LMNA: variants seen among roughly 807,000 people sequenced by gnomAD.
LMNA encodes the protein lamin A/C.
LMNA carries 20 observed loss-of-function variants against 70.4 expected under a neutral mutation model. The observed-to-expected ratio is 0.28, with a 90% CI of 0.20 to 0.41. LMNA has a LOEUF of 0.41. Ranked by LOEUF, LMNA falls within the 10% of genes least tolerant of loss-of-function variation. The pLI is 1.00. For missense variants in LMNA, 652 were observed against 917.2 expected (o/e 0.71, Z 3.73); for synonymous variants, 339 against 372.8 (o/e 0.91, Z 1.04).
In LMNA at chr1:156,137,228, G is replaced by A. The variant is rs747717293; in HGVS notation, c.1604G>A (p.Gly535Glu). Residue 535 changes from glycine to glutamate, a missense_variant, in exon 9 of 12, where the codon GGG becomes GAG. By Grantham distance (98) the Gly-to-Glu change is moderately conservative. Coordinates refer to ENST00000368300, the MANE Select transcript of LMNA (RefSeq NM_170707.4). The surrounding 1 kb of genome is among the most constrained non-coding windows in gnomAD (Gnocchi z 4.6). ...SLRTALINST[G>E]EEVAMRKLVR... ...CGTACGGCTCTCATCAACTCCACTG[G>A]GGAAGTAAGTAGGCCTGGGCCTGGC... 6 of 1,581,376 alleles carry A rather than the reference G, an allele frequency of 3.8e-6. No individual in the cohort carries two copies. The African/African-American group carries it at 5.4e-5, about 14-fold the overall frequency.
Position 156,135,838 on chromosome 1 carries a change from C to G in LMNA, c.937-63C>G. 7.0e-7 allele frequency: 1 copy of G among 1,429,068 alleles called. No individual in the cohort carries two copies. The highest frequency in any genetic ancestry group is 2.3e-5 in the East Asian group (1 of 43,172). 88.5% of individuals were successfully genotyped at this position (1,429,068 alleles called of 1,614,324 possible). ...GCCAGGTGTCTCCTACACCGACCCACGTCCCTCCTTCCCCATACTTAGGGC... is the reference window on the plus strand; with the variant it reads ...GCCAGGTGTCTCCTACACCGACCCAGGTCCCTCCTTCCCCATACTTAGGGC... On this transcript the variant is annotated intron_variant, in intron 5 of 11. Coordinates refer to ENST00000368300, the MANE Select transcript of LMNA (RefSeq NM_170707.4). The surrounding 1 kb of genome is among the most constrained non-coding windows in gnomAD (Gnocchi z 4.8).
chr1:156,099,740 G>T (rs1444561601), intron 3 of LMNA, among the ~76,000 whole-genome samples: 2 of 151,792 alleles, frequency 1.3e-5, no homozygotes, highest in African/African-American at 4.8e-5. Context: ...ACAAAAATTA[G>T]CTGGGCGTGC....
chr1:156,127,649 G>A (rs921813449), intron 1 of LMNA, among the ~76,000 whole-genome samples: 38 of 148,710 alleles, frequency 2.6e-4, no homozygotes, highest in African/African-American at 9.2e-4. Context: ...CTCCTCAGTA[G>A]CTGGGACTAC....
chr1:156,128,605 G>T (rs1249706788), intron 1 of LMNA, among the ~76,000 whole-genome samples: 1 of 152,188 alleles, frequency 6.6e-6, no homozygotes, highest in Non-Finnish European at 1.5e-5. Context: ...GGAACTTGTG[G>T]CTTAGGAAAG....
intron 3 of LMNA, among the ~76,000 whole-genome samples, chr1:156,098,647 T>C (rs1649031448): frequency 6.6e-6 from 1 of 152,130 alleles, no homozygotes; most frequent in Non-Finnish European, 1.5e-5. Flanking sequence ...CAGTGGTAAC[T>C]CAGGATACCC....
At chr1:156,129,967 C>T (rs1650902868) in intron 1 of LMNA, 2 of 721,786 alleles carry the variant, frequency 2.8e-6, no homozygotes, top group Non-Finnish European at 5.1e-6. Context: ...GGCAGGGACC[C>T]CTCTGTTCAG....
chr1:156,126,139 C>T, intron 1 of LMNA: 1 of 1,503,994 alleles, frequency 6.6e-7, no homozygotes, highest in South Asian at 1.2e-5. Context: ...TCCTGGGAGA[C>T]AGGAAATGCC....
rs1022103840 is a variant in LMNA, at chr1:156,138,258, G to A, written c.1699-230G>A. On this transcript the variant is annotated intron_variant, in intron 10 of 11. Coordinates refer to ENST00000368300, the MANE Select transcript of LMNA (RefSeq NM_170707.4). This position sits in a 1 kb window ranked among gnomAD's most constrained non-coding sequence, Gnocchi z 5.5. ...TAGCTAGAACAGAGTCAGAGTCACT[G>A]CTCTGGTTCTCTGTCCCCAAGTCTT... 3.3e-6 allele frequency: 2 copies of A among 599,248 alleles called. No homozygotes were observed. Among genetic ancestry groups the A allele is most frequent in the Non-Finnish European group, 5.9e-6 (2 of 337,150 alleles). 37.1% of individuals were successfully genotyped at this position (599,248 alleles called of 1,614,324 possible). A position where few individuals can be genotyped will look rare whatever the true frequency, so the allele number is the denominator to read the frequency against.
intron 1 of LMNA, among the ~76,000 whole-genome samples, chr1:156,117,969 A>ATTTTTTTTTT (rs1186679791): frequency 2.4e-3 from 219 of 91,766 alleles, no homozygotes; most frequent in East Asian, 6.0e-3. Flanking sequence ...CGCTTGGCTA[A>ATTTTTTTTTT]TTTTTTTTTT....
chr1:156,121,840 A>C (rs569174108), intron 1 of LMNA, among the ~76,000 whole-genome samples: 6 of 152,256 alleles, frequency 3.9e-5, no homozygotes, highest in Non-Finnish European at 1.5e-5. Context: ...GGAAGATTGC[A>C]GGGTCTCTTA....
At chr1:156,129,762 G>A (rs761215055) in intron 1 of LMNA, 76 of 693,052 alleles carry the variant, frequency 1.1e-4, no homozygotes, top group Non-Finnish European at 1.7e-4. Context: ...AAAAGGTGAG[G>A]GAGGTGGCAG....
intron 3 of LMNA, among the ~76,000 whole-genome samples, chr1:156,094,388 G>C (rs1476494757): frequency 6.6e-6 from 1 of 152,170 alleles, no homozygotes. Context: ...ACCCAGGCTG[G>C]AGTGCAGTGG....
At chr1:156,089,601 A>G (rs72708256) in intron 2 of LMNA, among the ~76,000 whole-genome samples, 11 of 145,514 alleles carry the variant, frequency 7.6e-5, no homozygotes, top group African/African-American at 2.8e-4. Context: ...CTAAAAAAAA[A>G]AAAGAAAGAA....
chr1:156,119,711 T>C (rs1650064808), intron 1 of LMNA, among the ~76,000 whole-genome samples: 1 of 152,128 alleles, frequency 6.6e-6, no homozygotes, highest in Non-Finnish European at 1.5e-5. Context: ...GGCAGCTGGG[T>C]GGATGACTCA....
In LMNA at chr1:156,099,451, C is replaced by T. The variant is rs541115618; in HGVS notation, c.-207+8869C>T. Among the ~76,000 whole-genome samples, 3 of 152,260 alleles carry T rather than the reference C, an allele frequency of 2.0e-5. No homozygotes were observed. The South Asian group carries it at 6.2e-4, about 32-fold the overall frequency. ...ATTGTGCAACATTGGACCCTTTGTG[C>T]TTTGTTTTCTCACCTGTAAAATGGA... is the stretch of plus-strand genomic sequence containing the variant. On this transcript the variant is annotated intron_variant, in intron 3 of 12. Coordinates refer to the LMNA transcript ENST00000368301.
At chr1:156,132,835 C>CTTT (rs1423621549) in intron 2 of LMNA, among the ~76,000 whole-genome samples, 2 of 131,122 alleles carry the variant, frequency 1.5e-5, no homozygotes, top group African/African-American at 2.8e-5. Flanking sequence ...CTCTCTCTCT[C>CTTT]TCTTTTTTTT....
At chr1:156,093,022 A>G (rs1342473050) in intron 3 of LMNA, among the ~76,000 whole-genome samples, 5 of 150,500 alleles carry the variant, frequency 3.3e-5, no homozygotes, top group Admixed American at 6.7e-5. Flanking sequence ...CCAAGTAGCT[A>G]GGATTACAGA....
intron 1 of LMNA, chr1:156,127,035 C>G: frequency 9.9e-7 from 1 of 1,009,642 alleles, no homozygotes; most frequent in Non-Finnish European, 1.4e-6. Context: ...CCTGTCCTCC[C>G]TGCCAACCCA....
intron 2 of LMNA, among the ~76,000 whole-genome samples, chr1:156,132,684 C>T (rs1359682829): frequency 6.6e-6 from 1 of 151,860 alleles, no homozygotes; most frequent in Non-Finnish European, 1.5e-5. Flanking sequence ...GGTTGACCAC[C>T]GAACCAAGGC....
Sources: allele counts gnomAD v4.1 joint callset (sites outside exome capture counted in the v4.1 genomes callset), GRCh38; gene constraint gnomAD v4.1.1; non-coding constraint Gnocchi (gnomAD v3.1); transcripts MANE v1.5; gene names NCBI Gene and HGNC (gene_info 2026-07-23, HGNC 2026-07-21).